The following MAP7 variants were observed in gnomAD, a reference collection of about 807,000 sequenced individuals.
MAP7 encodes microtubule associated protein 7.
Under a neutral mutation model 94.8 loss-of-function variants are expected in MAP7, and 52 were observed. The ratio of observed to expected loss-of-function variants is 0.55; its 90% CI spans 0.44 to 0.69. MAP7 has a LOEUF of 0.69. MAP7 is among the 30% of genes least tolerant of loss of function. MAP7 has a pLI of 0.00. For missense variants in MAP7, 940 were observed against 964.6 expected (o/e 0.97, Z 0.34); for synonymous variants, 350 against 357.0 (o/e 0.98, Z 0.22).
At chr6:136,357,954 G>GAT (rs1791469838) in intron 15 of MAP7, among the ~76,000 whole-genome samples, 1 of 152,142 alleles carries the variant, frequency 6.6e-6, no homozygotes. Flanking sequence ...GAAAACATAT[G>GAT]ATAGGTCTGT....
At chr6:136,437,864 G>T (rs2128831138) in intron 1 of MAP7, among the ~76,000 whole-genome samples, 1 of 152,246 alleles carries the variant, frequency 6.6e-6, no homozygotes, top group African/African-American at 2.4e-5. Flanking sequence ...TCAAAATGTT[G>T]GTTATAAATC....
Position 136,403,642 on chromosome 6 carries a change from A to C in MAP7, c.244+7978T>G, listed in dbSNP as rs796564000. On this transcript the variant is annotated intron_variant, in intron 3 of 17. Coordinates refer to ENST00000354570, the MANE Select transcript of MAP7 (RefSeq NM_003980.6). Reference sequence around the variant, plus strand: ...TTAGCCTCTACCGTCATCTGTTTACAAGACCCCTTACTTTTCAGGTTTTAA... The same window carrying C: ...TTAGCCTCTACCGTCATCTGTTTACCAGACCCCTTACTTTTCAGGTTTTAA... Among the ~76,000 whole-genome samples, 22 of 152,364 alleles carry C rather than the reference A, an allele frequency of 1.4e-4. 1 individual carries two copies. Among genetic ancestry groups the C allele is most frequent in the African/African-American group, 5.3e-4 (22 of 41,588 alleles).
chr6:136,462,702 C>T (rs1805634703), intron 1 of MAP7, among the ~76,000 whole-genome samples: 1 of 152,004 alleles, frequency 6.6e-6, no homozygotes, highest in Non-Finnish European at 1.5e-5. Flanking sequence ...TGGCTCACAC[C>T]TGTAATTCCA....
intron 7 of MAP7, among the ~76,000 whole-genome samples, chr6:136,374,144 T>C (rs775496843): frequency 3.3e-5 from 5 of 152,238 alleles, no homozygotes; most frequent in Admixed American, 6.5e-5. Context: ...TTTTCATTTC[T>C]TCAGTTTTCC....
intron 1 of MAP7, chr6:136,526,221 C>A: frequency 2.5e-6 from 3 of 1,206,530 alleles, no homozygotes; most frequent in Non-Finnish European, 1.0e-6. Flanking sequence ...ACTGACTCCC[C>A]GACAGGCACA....
intron 7 of MAP7, among the ~76,000 whole-genome samples, chr6:136,377,015 C>G (rs1776361722): frequency 6.6e-6 from 1 of 152,154 alleles, no homozygotes; most frequent in African/African-American, 2.4e-5. Context: ...CAGGAGAGAT[C>G]CGTTACCCAA....
intron 1 of MAP7, among the ~76,000 whole-genome samples, chr6:136,447,674 GT>G (rs1799758680): frequency 6.6e-6 from 1 of 151,958 alleles, no homozygotes; most frequent in African/African-American, 2.4e-5. Context: ...ATAACTGGGT[GT>G]TTTTTTCAAA....
intron 1 of MAP7, among the ~76,000 whole-genome samples, chr6:136,427,466 A>G (rs950711845): frequency 6.6e-6 from 1 of 152,252 alleles, no homozygotes; most frequent in African/African-American, 2.4e-5. Flanking sequence ...GTAACTGTCA[A>G]TGTCAAAAAT....
intron 1 of MAP7, among the ~76,000 whole-genome samples, chr6:136,525,055 T>C (rs917265549): frequency 4.6e-5 from 7 of 152,256 alleles, no homozygotes; most frequent in Non-Finnish European, 1.0e-4. Context: ...TTGCTGTCTC[T>C]GGCTGATAAT....
At chr6:136,529,188 C>T (rs182903105) in intron 1 of MAP7, among the ~76,000 whole-genome samples, 29 of 152,282 alleles carry the variant, frequency 1.9e-4, no homozygotes, top group African/African-American at 6.5e-4. Context: ...AGTCTTGGCT[C>T]ACTGCAACCT....
At chr6:136,462,244 T>A (rs551932426) in intron 1 of MAP7, among the ~76,000 whole-genome samples, 1 of 151,760 alleles carries the variant, frequency 6.6e-6, no homozygotes, top group Admixed American at 6.6e-5. Flanking sequence ...GACTAGTCAC[T>A]AAAGAATGAC....
At chr6:136,345,058 A>G (rs1787304302) in intron 17 of MAP7, among the ~76,000 whole-genome samples, 1 of 152,242 alleles carries the variant, frequency 6.6e-6, no homozygotes. Context: ...AAATTGAAAC[A>G]GGTTTGAAGA....
chr6:136,417,647 A>C (rs191988852), intron 2 of MAP7, among the ~76,000 whole-genome samples: 3 of 152,168 alleles, frequency 2.0e-5, no homozygotes, highest in African/African-American at 4.8e-5. Flanking sequence ...AAATGAAAAA[A>C]CTCAGAGAAA....
intron 1 of MAP7, among the ~76,000 whole-genome samples, chr6:136,543,387 G>C (rs953944616): frequency 2.6e-5 from 4 of 152,174 alleles, no homozygotes; most frequent in Non-Finnish European, 5.9e-5. Context: ...AGCGGCTCAC[G>C]CCTGTAATCC....
At chr6:136,485,102 G>A (rs1814207303) in intron 1 of MAP7, among the ~76,000 whole-genome samples, 1 of 152,028 alleles carries the variant, frequency 6.6e-6, no homozygotes, top group African/African-American at 2.4e-5. Context: ...CTCTGATATT[G>A]GAAAGTTCTG....
intron 1 of MAP7, among the ~76,000 whole-genome samples, chr6:136,441,892 G>A (rs1408307573): frequency 4.6e-5 from 7 of 150,966 alleles, no homozygotes; most frequent in Non-Finnish European, 8.9e-5. Context: ...CATGCCTGTT[G>A]TCTCAGTTAC....
intron 1 of MAP7, among the ~76,000 whole-genome samples, chr6:136,451,971 C>T (rs112878194): frequency 6.6e-6 from 1 of 152,194 alleles, no homozygotes; most frequent in African/African-American, 2.4e-5. Context: ...CTGAGGTGGG[C>T]AGATCATGAG....
intron 3 of MAP7, among the ~76,000 whole-genome samples, chr6:136,408,782 T>C (rs551903801): frequency 6.6e-6 from 1 of 152,078 alleles, no homozygotes; most frequent in Non-Finnish European, 1.5e-5. Flanking sequence ...TTTTTTCTTT[T>C]AAAAAAAATT....
Position 136,362,533 on chromosome 6 carries a change from C to G in MAP7, c.1443G>C (p.Arg481Ser), listed in dbSNP as rs777223851. Residue 481 changes from arginine to serine, a missense_variant, in exon 11 of 18, where the codon AGG (arginine) becomes AGC (serine). Transcript: ENST00000354570. ...AGTTDPEEAT[R>S]LLAEKRRLAR... Reference sequence around the variant, plus strand: ...CCAGCCGCCTCTTCTCAGCTAGAAGCCTTGTGGCCTCCTCTGGGTCGGTGG... The same window carrying G: ...CCAGCCGCCTCTTCTCAGCTAGAAGGCTTGTGGCCTCCTCTGGGTCGGTGG... The G allele has an allele frequency of 3.1e-6, 5 of 1,614,182 alleles. No individual in the cohort carries two copies. Among genetic ancestry groups the G allele is most frequent in the Non-Finnish European group, 4.2e-6 (5 of 1,180,036 alleles).
Sources: allele counts gnomAD v4.1 joint callset (sites outside exome capture counted in the v4.1 genomes callset), GRCh38; gene constraint gnomAD v4.1.1; transcripts MANE v1.5; gene names NCBI Gene and HGNC (gene_info 2026-07-23, HGNC 2026-07-21).